The following APP variants were observed in gnomAD, a reference collection of about 807,000 sequenced individuals.
APP encodes the protein amyloid-beta precursor protein.
In APP, 31 loss-of-function variants were observed where a neutral mutation model predicts 101.4. The ratio of observed to expected loss-of-function variants is 0.31; its 90% CI spans 0.23 to 0.41. APP has a LOEUF of 0.41. Ranked by LOEUF, APP falls within the 10% of genes least tolerant of loss-of-function variation. The pLI is 1.00. For synonymous variants in APP, 366 were observed against 364.4 expected, an observed-to-expected ratio of 1.00 and a Z score of -0.05; for missense variants, 839 against 1,003.7, an observed-to-expected ratio of 0.84 and a Z score of 2.22.
chr21:26,028,363 C>T lies in APP; in HGVS notation c.663-6321G>A, dbSNP rs146684976. On this transcript the variant is annotated intron_variant, in intron 5 of 17. Coordinates refer to ENST00000346798, the MANE Select transcript of APP (RefSeq NM_000484.4). ...AGTAACAGACATACTGCAGATTAAA[C>T]GCTTCAGAAATTCAACAGAGAAGTG... is the stretch of plus-strand genomic sequence containing the variant. 1.2e-3 allele frequency among the ~76,000 whole-genome samples: 178 copies of T among 152,190 alleles called. 1 individual carries two copies. The highest frequency in any genetic ancestry group is 3.9e-3 in the African/African-American group (163 of 41,518).
At chr21:26,055,413 TAAAAC>T (rs945143573) in intron 3 of APP, among the ~76,000 whole-genome samples, 7 of 152,048 alleles carry the variant, frequency 4.6e-5, no homozygotes, top group African/African-American at 9.7e-5. Flanking sequence ...TAGAATGATA[TAAAAC>T]AAAACAAAAC....
chr21:26,057,421 T>C (rs1034167207), intron 3 of APP, among the ~76,000 whole-genome samples: 3 of 152,166 alleles, frequency 2.0e-5, no homozygotes, highest in African/African-American at 7.2e-5. Context: ...ACATACAACC[T>C]GGTTTCTTGC....
intron 3 of APP, among the ~76,000 whole-genome samples, chr21:26,078,563 C>T (rs566428896): frequency 1.3e-5 from 2 of 152,266 alleles, no homozygotes; most frequent in East Asian, 1.9e-4. Context: ...CCCCAAGAAT[C>T]GTAATAATAG....
chr21:26,057,588 G>T (rs2046094947), intron 3 of APP, among the ~76,000 whole-genome samples: 1 of 152,102 alleles, frequency 6.6e-6, no homozygotes, highest in Non-Finnish European at 1.5e-5. Context: ...AACAAGGATG[G>T]CAAATTCAAT....
At chr21:25,942,221 T>G (rs796201627) in intron 13 of APP, 3 of 152,276 alleles carry the variant, frequency 2.0e-5, no homozygotes, top group African/African-American at 7.2e-5. Flanking sequence ...GCATTTTCAA[T>G]GAAAAGATGC....
At chr21:25,931,593 G>C (rs2040151232) in intron 13 of APP, among the ~76,000 whole-genome samples, 1 of 151,936 alleles carries the variant, frequency 6.6e-6, no homozygotes, top group South Asian at 2.1e-4. Context: ...ATGGCCAAAA[G>C]CATAGCCGAT....
intron 11 of APP, among the ~76,000 whole-genome samples, chr21:25,963,051 T>C (rs976998963): frequency 6.6e-6 from 1 of 152,156 alleles, no homozygotes; most frequent in Non-Finnish European, 1.5e-5. Flanking sequence ...TGACCTCAGG[T>C]GATCCACCTG....
chr21:25,975,926 T>A (rs376527395), intron 10 of APP, 28 bp downstream of exon 10: 8 of 1,587,862 alleles, frequency 5.0e-6, no homozygotes, highest in Non-Finnish European at 6.9e-6. Context: ...GCATGTGATG[T>A]TTGGTAGGAA....
At chr21:26,150,035 G>A (rs8129936) in intron 1 of APP, among the ~76,000 whole-genome samples, 55,365 of 151,790 alleles carry the variant, frequency 0.36, 10,939 homozygotes, top group African/African-American at 0.54. Context: ...TTAAACTGAC[G>A]AGACAGATTC....
chr21:26,056,850 C>T (rs1481145707), intron 3 of APP, among the ~76,000 whole-genome samples: 1 of 152,176 alleles, frequency 6.6e-6, no homozygotes, highest in Admixed American at 6.5e-5. Context: ...GCACTGCTTA[C>T]ATTACTTTTA....
intron 12 of APP, among the ~76,000 whole-genome samples, chr21:25,954,956 T>G (rs1281469691): frequency 0.014 from 1 of 74 alleles, no homozygotes; most frequent in Non-Finnish European, 0.021. Context: ...GGTTTAAGAC[T>G]TGATCTTGAA....
intron 2 of APP, among the ~76,000 whole-genome samples, chr21:26,108,114 T>A (rs181162620): frequency 1.1e-3 from 175 of 152,322 alleles, no homozygotes; most frequent in Non-Finnish European, 1.8e-3. Context: ...GAGTCACTGG[T>A]GGCTCGGGAT....
intron 6 of APP, among the ~76,000 whole-genome samples, chr21:26,012,841 C>T (rs1270064294): frequency 1.3e-5 from 2 of 151,802 alleles, no homozygotes; most frequent in East Asian, 3.9e-4. Context: ...GGTGTGGTTG[C>T]ACACACCTGT....
intron 17 of APP, among the ~76,000 whole-genome samples, chr21:25,883,997 G>A (rs2037161253): frequency 6.6e-6 from 1 of 151,700 alleles, no homozygotes; most frequent in South Asian, 2.1e-4. Context: ...TCCTGCCTCA[G>A]CCTCCCGAGT....
chr21:25,982,999 T>TG (rs58865988), intron 8 of APP, among the ~76,000 whole-genome samples: 152,244 of 152,250 alleles, frequency 1, 76,119 homozygotes, highest in Non-Finnish European at 1. Flanking sequence ...TGAGACAGTA[T>TG]GGAAACACGA....
At chr21:25,974,287 G>A (rs1209318304) in intron 11 of APP, among the ~76,000 whole-genome samples, 1 of 152,004 alleles carries the variant, frequency 6.6e-6, no homozygotes, top group Non-Finnish European at 1.5e-5. Flanking sequence ...CATGATGAGG[G>A]GGCTGGGCAA....
intron 11 of APP, among the ~76,000 whole-genome samples, chr21:25,972,879 G>A (rs546349338): frequency 6.6e-6 from 1 of 151,842 alleles, no homozygotes; most frequent in Admixed American, 6.6e-5. Context: ...ATGTAGTAAG[G>A]AAAAAGTATG....
chr21:25,998,905 G>A (rs1194801792), intron 7 of APP, among the ~76,000 whole-genome samples: 1 of 152,110 alleles, frequency 6.6e-6, no homozygotes, highest in Non-Finnish European at 1.5e-5. Flanking sequence ...ACCTCTTTGG[G>A]GAAAATTTCA....
intron 5 of APP, among the ~76,000 whole-genome samples, chr21:26,048,752 G>A (rs1483075381): frequency 1.3e-5 from 2 of 152,140 alleles, no homozygotes; most frequent in African/African-American, 4.8e-5. Context: ...GCAGAGCAAG[G>A]CACCTGTAAA....
Sources: allele counts gnomAD v4.1 joint callset (sites outside exome capture counted in the v4.1 genomes callset), GRCh38; gene constraint gnomAD v4.1.1; transcripts MANE v1.5; gene names NCBI Gene and HGNC (gene_info 2026-07-23, HGNC 2026-07-21).